Variants in PPP1R1A observed in about 807,000 individuals in gnomAD.
PPP1R1A encodes protein phosphatase 1 regulatory inhibitor subunit 1A.
A neutral mutation model predicts 23.9 loss-of-function variants in PPP1R1A; 18 were observed. The observed-to-expected ratio is 0.75, with a 90% CI of 0.52 to 1.12. The LOEUF (loss-of-function observed/expected upper bound fraction) is 1.12, where lower values mean the gene tolerates loss of function less well. PPP1R1A is among the 50% of genes most tolerant of loss of function. PPP1R1A has a pLI of 0.00. For synonymous variants in PPP1R1A, 84 were observed against 80.7 expected (o/e 1.04, Z -0.22); for missense variants, 207 against 223.8 (o/e 0.92, Z 0.48).
At chr12:54,583,799 CTT>C (rs1387744214) in intron 2 of PPP1R1A, among the ~76,000 whole-genome samples, 2 of 152,218 alleles carry the variant, frequency 1.3e-5, no homozygotes, top group Non-Finnish European at 2.9e-5. Context: ...TCTCTGAGAA[CTT>C]GTTTTCTCCC....
At chr12:54,582,383 C>T (rs1468656594) in intron 4 of PPP1R1A, among the ~76,000 whole-genome samples, 1 of 152,200 alleles carries the variant, frequency 6.6e-6, no homozygotes, top group African/African-American at 2.4e-5. Context: ...ACAAGGGATA[C>T]TCCTCACTTG....
At chr12:54,586,494 C>T (rs900616422) in intron 1 of PPP1R1A, among the ~76,000 whole-genome samples, 2 of 152,172 alleles carry the variant, frequency 1.3e-5, no homozygotes, top group Non-Finnish European at 1.5e-5. Context: ...ACCCCTCCAC[C>T]GCCTGCCACT....
chr12:54,583,309 C>T, intron 2 of PPP1R1A, 61 bp from the exon 3 acceptor site: 1 of 1,380,582 alleles, frequency 7.2e-7, no homozygotes, highest in Middle Eastern at 2.0e-4. Flanking sequence ...CCCCATAGAG[C>T]TGACTTCTCA....
In PPP1R1A at chr12:54,588,625, G is replaced by A. The variant is rs1022639735; in HGVS notation, c.-137C>T. On this transcript the variant is annotated 5_prime_UTR_variant, in exon 1 of 7. Transcript: ENST00000257905. ...CGGCGCGCTCGGCTCCCGGCTCCCG[G>A]CACAGCGCTCCCAGCTCGCGGCTCC... is the stretch of plus-strand genomic sequence containing the variant. 2 of 314,814 alleles carry A rather than the reference G, an allele frequency of 6.4e-6. No individual in the cohort carries two copies. The highest frequency in any genetic ancestry group is 1.0e-5 in the Non-Finnish European group (2 of 190,498). The allele number at this position is 314,814 out of a possible 1,614,324, so 19.5% of individuals were successfully genotyped here. A position where few individuals can be genotyped will look rare whatever the true frequency, so the allele number is the denominator to read the frequency against.
rs576627761 is a variant in PPP1R1A at position 54,579,461 on chromosome 12, G to A, written c.*926C>T. ...CTGACGCTTCTCAGGCTCTGCTCTT[G>A]CCTCTGTACCACATGCTTCAGCAGG... On this transcript the variant is annotated 3_prime_UTR_variant, in exon 7 of 7. Transcript: ENST00000257905. 5 of 985,360 alleles carry A rather than the reference G, an allele frequency of 5.1e-6. No individual in the cohort carries two copies. The African/African-American group carries it at 5.2e-5, about 10-fold the overall frequency. 61.0% of individuals were successfully genotyped at this position (985,360 alleles called of 1,614,324 possible).
chr12:54,582,220 G>T (rs1008240431), intron 4 of PPP1R1A, 89 bp from the exon 5 acceptor site: 6 of 1,356,328 alleles, frequency 4.4e-6, no homozygotes, highest in Non-Finnish European at 5.9e-6. Flanking sequence ...CCCACTAAAG[G>T]CTCAGCACAC....
In PPP1R1A at chr12:54,581,899, T is replaced by C; in HGVS notation, c.403+77A>G. On this transcript the variant is annotated intron_variant, in intron 5 of 6. Coordinates refer to ENST00000257905, the MANE Select transcript of PPP1R1A (RefSeq NM_006741.4). This position sits in a 1 kb window ranked among gnomAD's most constrained non-coding sequence, Gnocchi z 4.1. ...TCTCCCAGGCTCCAACTCTTTCCCC[T>C]CCCCGCAGTGGGTAAGGCTTGCCTC... 1 of 1,497,910 alleles carries C rather than the reference T, an allele frequency of 6.7e-7. No homozygotes were observed. The highest frequency in any genetic ancestry group is 1.4e-5 in the South Asian group (1 of 73,892). The allele number at this position is 1,497,910 out of a possible 1,614,324, so 92.8% of individuals were successfully genotyped here.
At chr12:54,582,999 G>A (rs1440198960) in intron 3 of PPP1R1A, among the ~76,000 whole-genome samples, 1 of 152,152 alleles carries the variant, frequency 6.6e-6, no homozygotes, top group African/African-American at 2.4e-5. Context: ...CTCGACAATG[G>A]TGAGCAAGGA....
intron 6 of PPP1R1A, 49 bp downstream of exon 6, chr12:54,580,895 A>T: frequency 6.9e-7 from 1 of 1,453,466 alleles, no homozygotes; most frequent in Non-Finnish European, 9.7e-7. Flanking sequence ...TTTGTCCACA[A>T]TATTAGCCTC....
chr12:54,581,952 G>C lies in PPP1R1A; in HGVS notation c.403+24C>G. 6.3e-6 allele frequency: 10 copies of C among 1,592,994 alleles called. No individual in the cohort carries two copies. Among genetic ancestry groups the C allele is most frequent in the East Asian group, 2.3e-5 (1 of 44,302 alleles). ...GCTGGGCTGGGAAATAGGATGCCTG[G>C]GGCCCTCCCCAGCCTGAACATACTT... On this transcript the variant is annotated intron_variant, in intron 5 of 6. Coordinates refer to ENST00000257905, the MANE Select transcript of PPP1R1A (RefSeq NM_006741.4). This position sits in a 1 kb window ranked among gnomAD's most constrained non-coding sequence, Gnocchi z 4.1.
At chr12:54,587,162 AGTG>A (rs1471044994) in intron 1 of PPP1R1A, among the ~76,000 whole-genome samples, 2 of 152,184 alleles carry the variant, frequency 1.3e-5, no homozygotes, top group Non-Finnish European at 2.9e-5. Flanking sequence ...GGGAAGCTGA[AGTG>A]GTAGGGAGAG....
chr12:54,580,688 G>A (rs1039381689), intron 6 of PPP1R1A, among the ~76,000 whole-genome samples: 8 of 152,146 alleles, frequency 5.3e-5, no homozygotes, highest in African/African-American at 1.9e-4. Context: ...AAAAATCCAT[G>A]GCCTACTGCT....
intron 4 of PPP1R1A, among the ~76,000 whole-genome samples, 158 bp downstream of exon 4, chr12:54,582,574 C>G (rs568216898): frequency 2.6e-4 from 40 of 152,330 alleles, no homozygotes; most frequent in African/African-American, 9.6e-4. Context: ...GATCACCCAG[C>G]TAGTCAGTGG....
chr12:54,581,047 G>T lies in PPP1R1A; in HGVS notation c.407C>A (p.Thr136Asn), dbSNP rs765092725. ...RLGTSGTAKK[T>N]AECIPKTHER... Reference sequence around the variant, plus strand: ...GTGAGTTTTAGGGATGCATTCTGCAGTTTCTGGGGAGGGAACATAGGGGTG... The same window carrying T: ...GTGAGTTTTAGGGATGCATTCTGCATTTTCTGGGGAGGGAACATAGGGGTG... Residue 136 changes from threonine (T) to asparagine (N), a missense_variant, in exon 6 of 7, where the codon ACT (threonine) becomes AAT (asparagine). Physicochemically the swap from Thr to Asn is moderately conservative, Grantham distance 65. Transcript: ENST00000257905. The surrounding 1 kb of genome is among the most constrained non-coding windows in gnomAD (Gnocchi z 4.1). 3.8e-5 allele frequency: 61 copies of T among 1,606,486 alleles called. No homozygotes were observed. The highest frequency in any genetic ancestry group is 1.5e-4 in the Admixed American group (9 of 59,900).
chr12:54,583,187 G>A (rs1192135894), intron 3 of PPP1R1A, 24 bp downstream of exon 3: 2 of 1,555,390 alleles, frequency 1.3e-6, no homozygotes, highest in Middle Eastern at 1.7e-4. Context: ...TTTGGGCTGG[G>A]CTTAGTGGGA....
chr12:54,583,328 G>C, intron 2 of PPP1R1A, 80 bp from the exon 3 acceptor site: 2 of 1,284,540 alleles, frequency 1.6e-6, no homozygotes, highest in Non-Finnish European at 2.1e-6. Context: ...CAGGGGAGGG[G>C]ATTCTGCAGC....
At chr12:54,582,657 C>T (rs1326111195) in intron 4 of PPP1R1A, 75 bp downstream of exon 4, 15 of 1,533,644 alleles carry the variant, frequency 9.8e-6, no homozygotes, top group Non-Finnish European at 1.3e-5. Context: ...AACGACCTCC[C>T]TTCCAAAGGG....
rs772394808 is a variant in PPP1R1A at position 54,584,273 on chromosome 12, G to A, written c.132C>T (p.Asp44=). The part of the protein sequence containing the change: ...PTPATLVLTS[D]QSSPEIDEDR... The stretch of plus-strand genomic sequence containing the variant: ...CCCTTGGCTTACCTGGGGATGACTG[G>A]TCACTGGTCAGCACGAGGGTGGCAG... The change falls in exon 2 of 7, where the codon GAC becomes GAT. Residue 44 remains aspartate, a synonymous_variant. Coordinates refer to ENST00000257905, the MANE Select transcript of PPP1R1A (RefSeq NM_006741.4). The A allele has an allele frequency of 1.9e-6, 3 of 1,603,504 alleles. No homozygotes were observed. The highest frequency in any genetic ancestry group is 2.6e-6 in the Non-Finnish European group (3 of 1,175,388).
chr12:54,584,135 C>A, intron 2 of PPP1R1A, 125 bp downstream of exon 2: 1 of 1,001,692 alleles, frequency 1.0e-6, no homozygotes, highest in East Asian at 2.6e-5. Context: ...ACCTTCCTGC[C>A]TTCAGTACTG....
Sources: gnomAD v4.1 joint callset for allele counts (sites outside exome capture counted in the v4.1 genomes callset) on GRCh38, gnomAD v4.1.1 for gene constraint, Gnocchi (gnomAD v3.1) non-coding constraint, MANE v1.5 for transcripts, NCBI Gene and HGNC (gene_info 2026-07-23, HGNC 2026-07-21) for gene names.